The following KRT7 variants were observed in gnomAD, a reference collection of about 807,000 sequenced individuals.
KRT7 encodes keratin, type II cytoskeletal 7.
In KRT7, 50 loss-of-function variants were observed where a neutral mutation model predicts 42.8. The observed-to-expected ratio is 1.17, with a 90% CI of 0.93 to 1.48. The LOEUF (loss-of-function observed/expected upper bound fraction) is 1.48, where lower values mean the gene tolerates loss of function less well. Ranked by LOEUF, KRT7 falls within the 40% of genes most tolerant of loss-of-function variation. KRT7 has a pLI of 0.00. For synonymous variants in KRT7, 268 were observed against 266.3 expected (o/e 1.01, Z -0.06); for missense variants, 588 against 637.6 (o/e 0.92, Z 0.84).
At chr12:52,251,810 G>A (rs1482388129), downstream of KRT7, 5 of 359,876 alleles carry the variant, frequency 1.4e-5, no homozygotes, top group Admixed American at 7.7e-5. Flanking sequence ...CAGGCTTCCT[G>A]TTTGTCAATC....
chr12:52,233,776 T>A (rs1205979683), intron 1 of KRT7, among the ~76,000 whole-genome samples, 156 bp downstream of exon 1: 4 of 152,088 alleles, frequency 2.6e-5, no homozygotes, highest in Admixed American at 1.3e-4. Context: ...GGGTCCTTCC[T>A]CCTTCGCATG....
chr12:52,247,240 T>C (rs988873308), intron 7 of KRT7: 1 of 152,036 alleles, frequency 6.6e-6, no homozygotes, highest in Non-Finnish European at 1.5e-5. Flanking sequence ...TCCGTCTGAG[T>C]TCCTTAGGCA....
rs777446916 is a variant in KRT7, at chr12:52,248,228, G to A, written c.1240+17G>A. 19 of 1,613,460 alleles carry A rather than the reference G, an allele frequency of 1.2e-5. No homozygotes were observed. The highest frequency in any genetic ancestry group is 1.7e-5 in the Admixed American group (1 of 59,996). On this transcript the variant is annotated intron_variant, in intron 8 of 8. Transcript: ENST00000331817. The stretch of plus-strand genomic sequence containing the variant: ...TGAATATCTGTAAGTCCTTGGCTGC[G>A]GCCCATGGGAAGCATCCCTTGTGCT...
chr12:52,246,453 T>A (rs1489078602), intron 7 of KRT7: 1 of 152,170 alleles, frequency 6.6e-6, no homozygotes, highest in Non-Finnish European at 1.5e-5. Flanking sequence ...AACTTATTCT[T>A]TTCTGAGTAT....
At chr12:52,238,534 G>A in intron 3 of KRT7, 146 bp from the exon 4 acceptor site, 1 of 629,356 alleles carries the variant, frequency 1.6e-6, no homozygotes, top group Non-Finnish European at 2.9e-6. Context: ...CTGTGACCAT[G>A]TACAGCAGCT....
At position 52,248,646 on chromosome 12, in the gene KRT7, C is replaced by CG; in HGVS notation, c.1301dup (p.Thr435AsnfsTer67). 5 of 1,611,812 alleles carry CG rather than the reference C, an allele frequency of 3.1e-6. No homozygotes were observed. Among genetic ancestry groups the CG allele is most frequent in the Non-Finnish European group, 4.2e-6 (5 of 1,178,766 alleles). On this transcript the variant is annotated frameshift_variant, in exon 9 of 9. Transcript: ENST00000331817. LOFTEE classifies it low-confidence loss of function (END_TRUNC). ...GTGGCGGTGGCATTGGGCTGACCCT[C>CG]GGGGGAACCATGGGCAGCAATGCCC...
At chr12:52,236,201 C>CT (rs1396857338) in intron 2 of KRT7, among the ~76,000 whole-genome samples, 2 of 150,362 alleles carry the variant, frequency 1.3e-5, no homozygotes, top group South Asian at 4.3e-4. Flanking sequence ...TGGAGTGCCC[C>CT]CCCCCAACAC....
At chr12:52,241,843 T>C in intron 5 of KRT7, 1 of 466,176 alleles carries the variant, frequency 2.1e-6, no homozygotes, top group Non-Finnish European at 3.8e-6. Context: ...ATCATTATAA[T>C]AGCTAAAATA....
In KRT7 at chr12:52,233,522, C is replaced by A; in HGVS notation, c.226C>A (p.Leu76Met). The part of the protein sequence containing the change: ...VTINQSLLAP[L>M]RLDADPSLQR... The stretch of plus-strand genomic sequence containing the variant: ...CATTAACCAGAGCCTGCTGGCCCCG[C>A]TGCGGCTGGACGCCGACCCCTCCCT... Residue 76 changes from leucine (L) to methionine (M), a missense_variant, in exon 1 of 9, where the codon CTG becomes ATG. Leu to Met is a conservative substitution (Grantham distance 15). Coordinates refer to ENST00000331817, the MANE Select transcript of KRT7 (RefSeq NM_005556.4). The A allele has an allele frequency of 6.2e-7, 1 of 1,613,080 alleles. No individual in the cohort carries two copies. The highest frequency in any genetic ancestry group is 8.5e-7 in the Non-Finnish European group (1 of 1,179,804).
At chr12:52,248,024 C>A in intron 7 of KRT7, 153 bp from the exon 8 acceptor site, 1 of 722,142 alleles carries the variant, frequency 1.4e-6, no homozygotes, top group Non-Finnish European at 2.4e-6. Flanking sequence ...CATGCCTCCT[C>A]GCTCCTTTTA....
intron 6 of KRT7, chr12:52,243,466 C>A: frequency 3.8e-6 from 1 of 259,940 alleles, no homozygotes; most frequent in South Asian, 9.5e-5. Context: ...CCTGGGAGCT[C>A]ATCATTCATT....
chr12:52,250,549 T>A, downstream of KRT7: 2 of 1,199,974 alleles, frequency 1.7e-6, no homozygotes, highest in Non-Finnish European at 2.4e-6. Flanking sequence ...ACGTTCCCGC[T>A]GCAGGGGGCA....
At chr12:52,244,116 C>G (rs111411463) in intron 6 of KRT7, among the ~76,000 whole-genome samples, 1 of 151,886 alleles carries the variant, frequency 6.6e-6, no homozygotes, top group African/African-American at 2.4e-5. Context: ...GTGGAAGCTT[C>G]GGAAAGCTGA....
At chr12:52,248,241 C>A (rs776556666) in intron 8 of KRT7, 30 bp downstream of exon 8, 1 of 1,612,052 alleles carries the variant, frequency 6.2e-7, no homozygotes. Flanking sequence ...CCATGGGAAG[C>A]ATCCCTTGTG....
rs189617028 is a variant in KRT7, at chr12:52,248,800, A to G, written c.*40A>G. On this transcript the variant is annotated 3_prime_UTR_variant, in exon 9 of 9. Coordinates refer to ENST00000331817, the MANE Select transcript of KRT7 (RefSeq NM_005556.4). ...CTCCACTCCTCCAGCCACCACCCACAATCACAAGAAGATTCCCACCCCTGC... is the reference window on the plus strand; with the variant it reads ...CTCCACTCCTCCAGCCACCACCCACGATCACAAGAAGATTCCCACCCCTGC... The G allele has an allele frequency of 4.5e-4, 673 of 1,485,198 alleles. 9 individuals carry two copies. Among genetic ancestry groups the G allele is most frequent in the Admixed American group, 8.7e-4 (40 of 46,140 alleles). The allele number at this position is 1,485,198 out of a possible 1,614,324, so 92.0% of individuals were successfully genotyped here. A position where few individuals can be genotyped will look rare whatever the true frequency, so the allele number is the denominator to read the frequency against.
At position 52,233,419 on chromosome 12, in the gene KRT7, C is replaced by A; in HGVS notation, c.123C>A (p.Gly41=). The A allele has an allele frequency of 6.4e-7, 1 of 1,556,774 alleles. No homozygotes were observed. ...PGGLGSSSLY[G]LGASRPRVAV... ...GCCTTGGCAGCAGCAGCCTCTACGG[C>A]CTCGGCGCCTCACGGCCGCGCGTGG... is the stretch of plus-strand genomic sequence containing the variant. The change falls in exon 1 of 9, where the codon GGC becomes GGA. Residue 41 remains glycine (G), a synonymous_variant. Transcript: ENST00000331817.
rs1394430748 is a variant in KRT7 at position 52,233,627 on chromosome 12, G to T, written c.324+7G>T. ...TGCCTCCTTCATCGACAAGGTGAGC[G>T]GGACTGGACCTCGCCTCTCCTCGAG... On this transcript the variant is annotated splice_region_variant and intron_variant, in intron 1 of 8. Coordinates refer to ENST00000331817, the MANE Select transcript of KRT7 (RefSeq NM_005556.4). 1 of 1,611,868 alleles carries T rather than the reference G, an allele frequency of 6.2e-7. No individual in the cohort carries two copies. The highest frequency in any genetic ancestry group is 1.3e-5 in the African/African-American group (1 of 74,844).
chr12:52,237,452 G>A (rs369999689), intron 2 of KRT7, 57 bp from the exon 3 acceptor site: 6 of 1,282,378 alleles, frequency 4.7e-6, no homozygotes, highest in African/African-American at 4.4e-5. Context: ...TATGGCGGAG[G>A]GGGGACGGGA....
At chr12:52,244,699 C>T in intron 6 of KRT7, 1 of 943,370 alleles carries the variant, frequency 1.1e-6, no homozygotes, top group South Asian at 4.9e-5. Context: ...ATTCAGGCTC[C>T]TGGCAGTGGG....
Sources: allele counts gnomAD v4.1 joint callset (sites outside exome capture counted in the v4.1 genomes callset), GRCh38; gene constraint gnomAD v4.1.1; transcripts MANE v1.5; gene names NCBI Gene and HGNC (gene_info 2026-07-23, HGNC 2026-07-21).